Variants in MAP7 observed in about 807,000 individuals in gnomAD.
MAP7 encodes the protein microtubule associated protein 7, also known as ensconsin.
A neutral mutation model predicts 94.8 loss-of-function variants in MAP7; 52 were observed. The observed-to-expected ratio is 0.55, with a 90% CI of 0.44 to 0.69. The LOEUF (loss-of-function observed/expected upper bound fraction) is 0.69, where lower values mean the gene tolerates loss of function less well. Ranked by LOEUF, MAP7 falls within the 30% of genes least tolerant of loss-of-function variation. The probability of loss-of-function intolerance (pLI) is 0.00; values close to 1 mark genes in which losing one functional copy is unlikely to be tolerated. For synonymous variants in MAP7, 350 were observed against 357.0 expected (o/e 0.98, Z 0.22); for missense variants, 940 against 964.6 (o/e 0.97, Z 0.34).
At chr6:136,475,667 A>G (rs578024412) in intron 1 of MAP7, among the ~76,000 whole-genome samples, 1 of 152,360 alleles carries the variant, frequency 6.6e-6, no homozygotes, top group African/African-American at 2.4e-5. Context: ...TTTTATTATC[A>G]AAAATTATAA....
chr6:136,366,828 T>A (rs1179643612), intron 8 of MAP7, among the ~76,000 whole-genome samples: 1 of 115,242 alleles, frequency 8.7e-6, no homozygotes, highest in Non-Finnish European at 1.9e-5. Context: ...TTAAAACACA[T>A]CTTTTTCTTT....
rs188974437 is a variant in MAP7, at chr6:136,405,389, C to T, written c.244+6231G>A. Among the ~76,000 whole-genome samples, 50 of 152,262 alleles carry T rather than the reference C, an allele frequency of 3.3e-4. No homozygotes were observed. The East Asian group carries it at 9.6e-3, about 29-fold the overall frequency. ...AGTAAGATGGTAGGAGAAGGCCTCGCTGAGAAGGTGGCATTTAAATGAAAC... is the reference window on the plus strand; with the variant it reads ...AGTAAGATGGTAGGAGAAGGCCTCGTTGAGAAGGTGGCATTTAAATGAAAC... On this transcript the variant is annotated intron_variant, in intron 3 of 17. Coordinates refer to ENST00000354570, the MANE Select transcript of MAP7 (RefSeq NM_003980.6).
rs369337990 is a variant in MAP7 at position 136,536,015 on chromosome 6, C to T, written c.67+14327G>A. Among the ~76,000 whole-genome samples the T allele has an allele frequency of 2.9e-4, 44 of 151,822 alleles. No individual in the cohort carries two copies. The East Asian group carries it at 6.2e-3, about 21-fold the overall frequency. Reference sequence around the variant, plus strand: ...TGCGGTGTTTGGTTGTTTGTCCTGGCGATAGTTTGTTGAGAATGATGGTTT... The same window carrying T: ...TGCGGTGTTTGGTTGTTTGTCCTGGTGATAGTTTGTTGAGAATGATGGTTT... On this transcript the variant is annotated intron_variant, in intron 1 of 17. Transcript: ENST00000354570.
intron 1 of MAP7, among the ~76,000 whole-genome samples, chr6:136,484,191 C>T (rs1296011004): frequency 6.6e-6 from 1 of 152,178 alleles, no homozygotes; most frequent in Non-Finnish European, 1.5e-5. Context: ...TCACATTGAG[C>T]AGCTTGAGCC....
chr6:136,392,230 A>T (rs1472188581), intron 3 of MAP7, among the ~76,000 whole-genome samples: 1 of 151,958 alleles, frequency 6.6e-6, no homozygotes, highest in Non-Finnish European at 1.5e-5. Context: ...GGCGTGCACC[A>T]CTATGCCCGG....
At chr6:136,356,559 T>C (rs1791004602) in intron 16 of MAP7, 133 bp downstream of exon 16, 1 of 659,270 alleles carries the variant, frequency 1.5e-6, no homozygotes, top group African/African-American at 1.8e-5. Flanking sequence ...GAGTACAGAA[T>C]TACTAGCTCA....
chr6:136,471,844 T>C (rs1189382541), intron 1 of MAP7, among the ~76,000 whole-genome samples: 1 of 152,212 alleles, frequency 6.6e-6, no homozygotes, highest in Non-Finnish European at 1.5e-5. Flanking sequence ...CTCTTCTTCC[T>C]ACCCTTACTA....
At chr6:136,397,779 T>G (rs973322215) in intron 3 of MAP7, among the ~76,000 whole-genome samples, 1 of 152,148 alleles carries the variant, frequency 6.6e-6, no homozygotes, top group African/African-American at 2.4e-5. Flanking sequence ...GTCTATGGTA[T>G]TTTGTTATGG....
At chr6:136,492,314 C>T (rs145307283) in intron 1 of MAP7, among the ~76,000 whole-genome samples, 56 of 152,250 alleles carry the variant, frequency 3.7e-4, no homozygotes, top group African/African-American at 1.1e-3. Context: ...ATCTCTAAGC[C>T]GGGAAGTACA....
rs543792302 is a variant in MAP7, at chr6:136,368,785, G to A, written c.877-2346C>T. On this transcript the variant is annotated intron_variant, in intron 8 of 17. Transcript: ENST00000354570. ...AAATAAATGGAAGGAAGTCCTGTGT[G>A]CAGGGATTAGAAGATTTAATACTGT... is the stretch of plus-strand genomic sequence containing the variant. Among the ~76,000 whole-genome samples the A allele has an allele frequency of 2.0e-4, 30 of 152,344 alleles. 1 individual carries two copies. The highest frequency in any genetic ancestry group is 8.3e-4 in the South Asian group (4 of 4,832).
chr6:136,383,464 C>T (rs2128639697), intron 6 of MAP7, among the ~76,000 whole-genome samples: 1 of 152,342 alleles, frequency 6.6e-6, no homozygotes, highest in Middle Eastern at 3.4e-3. Context: ...AATGCAATCA[C>T]TCAGCCAAGT....
intron 2 of MAP7, chr6:136,420,473 C>T (rs1790946273): frequency 4.7e-6 from 2 of 429,438 alleles, no homozygotes; most frequent in South Asian, 6.3e-5. Context: ...TAGAGACACA[C>T]TTGAATACAA....
chr6:136,394,818 C>T (rs1330133310), intron 3 of MAP7, among the ~76,000 whole-genome samples: 4 of 150,144 alleles, frequency 2.7e-5, no homozygotes, highest in African/African-American at 9.8e-5. Flanking sequence ...TGAGAACATG[C>T]AATATTTGTC....
intron 1 of MAP7, chr6:136,526,740 T>C (rs1827972596): frequency 1.1e-6 from 1 of 933,710 alleles, no homozygotes; most frequent in Non-Finnish European, 1.3e-6. Flanking sequence ...AGAAAGGCTT[T>C]TTCTTCTTTT....
At chr6:136,541,899 A>C (rs1213900820) in intron 1 of MAP7, among the ~76,000 whole-genome samples, 1 of 152,112 alleles carries the variant, frequency 6.6e-6, no homozygotes, top group Non-Finnish European at 1.5e-5. Flanking sequence ...TCTCTACTAA[A>C]AATCCAAAAA....
intron 1 of MAP7, among the ~76,000 whole-genome samples, chr6:136,447,884 C>G (rs1018718854): frequency 6.6e-6 from 1 of 152,118 alleles, no homozygotes; most frequent in Non-Finnish European, 1.5e-5. Context: ...GCAGTTTGGC[C>G]AAACAGCTTC....
intron 1 of MAP7, among the ~76,000 whole-genome samples, chr6:136,473,730 G>A (rs1430967233): frequency 6.6e-6 from 1 of 152,110 alleles, no homozygotes; most frequent in Admixed American, 6.6e-5. Flanking sequence ...TTCCTCAAGA[G>A]GAATTGCTAA....
At chr6:136,505,277 G>GTATATATATATATATATATATATA (rs56764706) in intron 1 of MAP7, among the ~76,000 whole-genome samples, 4 of 53,828 alleles carry the variant, frequency 7.4e-5, no homozygotes, top group East Asian at 7.7e-4. Flanking sequence ...GTGTGTGTGT[G>GTATATATATATATATATATATATA]TATATATATA....
chr6:136,412,678 G>A (rs1304225396), intron 2 of MAP7, among the ~76,000 whole-genome samples: 3 of 152,270 alleles, frequency 2.0e-5, no homozygotes, highest in South Asian at 2.1e-4. Context: ...ATGAGTAAGC[G>A]ACGGGGCTCA....
Sources: allele counts gnomAD v4.1 joint callset (sites outside exome capture counted in the v4.1 genomes callset), GRCh38; gene constraint gnomAD v4.1.1; transcripts MANE v1.5; gene names NCBI Gene and HGNC (gene_info 2026-07-23, HGNC 2026-07-21).